The following AMZ1 variants were observed in gnomAD, a reference collection of about 807,000 sequenced individuals.
The protein encoded by AMZ1 is archaemetzincin-1.
Under a neutral mutation model 29.9 loss-of-function variants are expected in AMZ1, and 39 were observed. The ratio of observed to expected loss-of-function variants is 1.30; its 90% CI spans 1.01 to 1.70. The LOEUF (loss-of-function observed/expected upper bound fraction) is 1.70, where lower values mean the gene tolerates loss of function less well. Ranked by LOEUF, AMZ1 falls within the 40% of genes most tolerant of loss-of-function variation. AMZ1 has a pLI of 0.00. For synonymous variants in AMZ1, 458 were observed against 304.0 expected, an observed-to-expected ratio of 1.51 and a Z score of -5.27; for missense variants, 1,041 against 680.6, an observed-to-expected ratio of 1.53 and a Z score of -5.89.
At chr7:2,744,576 G>C (rs933537813) in intron 4 of AMZ1, among the ~76,000 whole-genome samples, 4 of 152,146 alleles carry the variant, frequency 2.6e-5, no homozygotes, top group Non-Finnish European at 5.9e-5. Context: ...GGAAAAAACA[G>C]AGCAGAAAAA....
At chr7:2,727,820 G>A (rs1315269622) in intron 4 of AMZ1, among the ~76,000 whole-genome samples, 1 of 152,074 alleles carries the variant, frequency 6.6e-6, no homozygotes, top group Non-Finnish European at 1.5e-5. Flanking sequence ...GGCTGTGGGA[G>A]GCTGAGGTGG....
chr7:2,698,866 AG>A (rs1787891647), intron 1 of AMZ1, among the ~76,000 whole-genome samples: 1 of 152,154 alleles, frequency 6.6e-6, no homozygotes, highest in South Asian at 2.1e-4. Flanking sequence ...GTTAGAGAAT[AG>A]GGCTGTTCAT....
chr7:2,694,620 A>G (rs1193321976), intron 1 of AMZ1, among the ~76,000 whole-genome samples: 1 of 151,590 alleles, frequency 6.6e-6, no homozygotes, highest in African/African-American at 2.4e-5. Flanking sequence ...GTGAGATTAT[A>G]TTACATTAAT....
At chr7:2,759,102 T>G (rs1288158656) in intron 4 of AMZ1, among the ~76,000 whole-genome samples, 1 of 151,210 alleles carries the variant, frequency 6.6e-6, no homozygotes, top group Non-Finnish European at 1.5e-5. Context: ...ATTACACCAT[T>G]GCACTCAGCC....
intron 1 of AMZ1, among the ~76,000 whole-genome samples, chr7:2,682,370 G>T (rs995538408): frequency 1.3e-5 from 2 of 152,224 alleles, no homozygotes; most frequent in African/African-American, 4.8e-5. Flanking sequence ...CCAGCACACA[G>T]TCCCTTGAAG....
At chr7:2,710,637 C>G (rs562833771) in intron 6 of AMZ1, among the ~76,000 whole-genome samples, 1 of 152,188 alleles carries the variant, frequency 6.6e-6, no homozygotes, top group Non-Finnish European at 1.5e-5. Flanking sequence ...AACTAGAGGC[C>G]GTGGCATTTC....
At chr7:2,708,289 TCTC>T (rs1331229915) in intron 3 of AMZ1, among the ~76,000 whole-genome samples, 8 of 152,216 alleles carry the variant, frequency 5.3e-5, no homozygotes, top group Admixed American at 2.6e-4. Flanking sequence ...TGAGGTGGCT[TCTC>T]CTTCCTGGGG....
intron 4 of AMZ1, among the ~76,000 whole-genome samples, chr7:2,741,580 G>C (rs1191797849): frequency 6.6e-6 from 1 of 152,168 alleles, no homozygotes; most frequent in African/African-American, 2.4e-5. Context: ...GGCTAGGACA[G>C]AGGTATGTGT....
intron 4 of AMZ1, among the ~76,000 whole-genome samples, chr7:2,757,634 T>C (rs1791366500): frequency 6.6e-6 from 1 of 152,206 alleles, no homozygotes; most frequent in African/African-American, 2.4e-5. Context: ...CCAAGCACAT[T>C]GGGAGATCAT....
chr7:2,708,850 T>C, intron 4 of AMZ1, 134 bp downstream of exon 4: 1 of 1,423,208 alleles, frequency 7.0e-7, no homozygotes. Flanking sequence ...TGCATGGGAA[T>C]AGATGGCCCC....
At chr7:2,692,311 C>A (rs994436444) in intron 1 of AMZ1, among the ~76,000 whole-genome samples, 1 of 152,060 alleles carries the variant, frequency 6.6e-6, no homozygotes, top group South Asian at 2.1e-4. Flanking sequence ...GAGGCCGAGG[C>A]GGGCGGATCA....
intron 1 of AMZ1, among the ~76,000 whole-genome samples, chr7:2,691,285 G>C (rs888449621): frequency 6.7e-6 from 1 of 148,190 alleles, no homozygotes; most frequent in Non-Finnish European, 1.5e-5. Flanking sequence ...GGGAAGGTCC[G>C]TGTGTGAGGA....
chr7:2,742,505 G>C (rs1264334318), intron 4 of AMZ1, among the ~76,000 whole-genome samples: 5 of 152,142 alleles, frequency 3.3e-5, no homozygotes, highest in Admixed American at 6.5e-5. Flanking sequence ...TGTCCACATG[G>C]ACTCACAGAC....
chr7:2,756,605 T>TCAAACAAACAAA lies in AMZ1; in HGVS notation n.551-8094_551-8083dup, dbSNP rs139218513. On this transcript the variant is annotated intron_variant and non_coding_transcript_variant, in intron 4 of 4. Transcript: ENST00000489665. ...ACTACAGCCTGAGTGAGACCCTGTC[T>TCAAACAAACAAA]CAAACAAACAAACAAACAAACAAAA... is the stretch of plus-strand genomic sequence containing the variant. Among the ~76,000 whole-genome samples, 58 of 151,418 alleles carry TCAAACAAACAAA rather than the reference T, an allele frequency of 3.8e-4. 2 individuals carry two copies. Among genetic ancestry groups the TCAAACAAACAAA allele is most frequent in the South Asian group, 2.3e-3 (11 of 4,772 alleles).
intron 4 of AMZ1, among the ~76,000 whole-genome samples, chr7:2,741,058 A>T (rs369927194): frequency 3.9e-5 from 6 of 152,126 alleles, no homozygotes; most frequent in African/African-American, 1.4e-4. Flanking sequence ...ACAAACAAAC[A>T]AACAAACAAA....
intron 4 of AMZ1, among the ~76,000 whole-genome samples, chr7:2,751,426 G>A (rs1235334949): frequency 1.1e-4 from 17 of 148,004 alleles, no homozygotes; most frequent in Admixed American, 2.0e-4. Context: ...GCTTATAGAA[G>A]AGAAAAAATG....
At chr7:2,737,289 G>GTTTTTTTTTTT (rs11389467) in intron 4 of AMZ1, among the ~76,000 whole-genome samples, 6 of 62,314 alleles carry the variant, frequency 9.6e-5, no homozygotes, top group Admixed American at 2.2e-4. Flanking sequence ...TTTTTTTTTT[G>GTTTTTTTTTTT]TTTTTTTTTT....
chr7:2,756,219 T>C (rs1214436177), intron 4 of AMZ1, among the ~76,000 whole-genome samples: 1 of 152,072 alleles, frequency 6.6e-6, no homozygotes, highest in East Asian at 1.9e-4. Context: ...TTTCAACAAA[T>C]GGTGCTGGAA....
chr7:2,721,267 G>A (rs1030413927), downstream of AMZ1, among the ~76,000 whole-genome samples: 2 of 152,208 alleles, frequency 1.3e-5, no homozygotes, highest in Admixed American at 6.5e-5. Context: ...TGTGCTGAGC[G>A]CTCACCTCAC....
Sources: allele counts gnomAD v4.1 joint callset (sites outside exome capture counted in the v4.1 genomes callset), GRCh38; gene constraint gnomAD v4.1.1; transcripts MANE v1.5; gene names NCBI Gene and HGNC (gene_info 2026-07-23, HGNC 2026-07-21).